RBL1: variants seen among roughly 807,000 people sequenced by gnomAD.
RBL1 encodes retinoblastoma-like protein 1.
Under a neutral mutation model 123.0 loss-of-function variants are expected in RBL1, and 82 were observed. The ratio of observed to expected loss-of-function variants is 0.67; its 90% CI spans 0.56 to 0.80. The LOEUF is 0.80. RBL1 is among the 30% of genes least tolerant of loss of function. The probability of loss-of-function intolerance (pLI) is 0.00; values close to 1 mark genes in which losing one functional copy is unlikely to be tolerated. For missense variants in RBL1, 1,171 were observed against 1,299.6 expected, an observed-to-expected ratio of 0.90 and a Z score of 1.52; for synonymous variants, 405 against 441.3, an observed-to-expected ratio of 0.92 and a Z score of 1.03.
At chr20:37,072,982 C>G (rs1403316286) in intron 2 of RBL1, among the ~76,000 whole-genome samples, 1 of 152,162 alleles carries the variant, frequency 6.6e-6, no homozygotes, top group East Asian at 1.9e-4. Context: ...GATAGGGTCC[C>G]GCTCTGTCAC....
intron 19 of RBL1, among the ~76,000 whole-genome samples, chr20:37,011,924 G>C (rs911192393): frequency 2.0e-5 from 3 of 152,050 alleles, no homozygotes; most frequent in African/African-American, 4.8e-5. Context: ...CTCTGATGCC[G>C]AGCCGAAGCT....
intron 11 of RBL1, among the ~76,000 whole-genome samples, chr20:37,048,885 C>T (rs2080086535): frequency 7.0e-6 from 1 of 143,590 alleles, no homozygotes. Context: ...AGCAACATAG[C>T]GAGACACCAT....
chr20:37,079,665 A>C (rs976475650), intron 2 of RBL1, among the ~76,000 whole-genome samples: 7 of 151,834 alleles, frequency 4.6e-5, no homozygotes, highest in African/African-American at 7.3e-5. Flanking sequence ...GTAGAGACTA[A>C]AAAGTAGTCT....
At chr20:37,064,901 C>T (rs551493412) in intron 7 of RBL1, among the ~76,000 whole-genome samples, 1 of 151,636 alleles carries the variant, frequency 6.6e-6, no homozygotes, top group South Asian at 2.1e-4. Context: ...GTTGGGATTA[C>T]AGGCGTGAGC....
chr20:37,051,039 G>T (rs2064902610), intron 11 of RBL1, among the ~76,000 whole-genome samples: 1 of 151,818 alleles, frequency 6.6e-6, no homozygotes, highest in African/African-American at 2.4e-5. Context: ...TAGGGATGGG[G>T]TCTTGCTATG....
At position 37,056,142 on chromosome 20, in the gene RBL1, T is replaced by C. The variant is rs1259609316; in HGVS notation, c.1363+4A>G. Reference sequence around the variant, plus strand: ...CTATGCCAACTGTAGTTTTCTTTTCTTACCTATGTGAGATCCTGGCTGTTC... The same window carrying C: ...CTATGCCAACTGTAGTTTTCTTTTCCTACCTATGTGAGATCCTGGCTGTTC... On this transcript the variant is annotated splice_donor_region_variant and intron_variant, in intron 10 of 21. Transcript: ENST00000373664. 6 of 1,603,632 alleles carry C rather than the reference T, an allele frequency of 3.7e-6. No individual in the cohort carries two copies. The highest frequency in any genetic ancestry group is 4.2e-6 in the Non-Finnish European group (5 of 1,178,092).
chr20:37,056,990 TTTCTATCTATCTATC>T lies in RBL1; in HGVS notation c.1251-747_1251-733del, dbSNP rs988398167. On this transcript the variant is annotated intron_variant, in intron 9 of 21. Coordinates refer to ENST00000373664, the MANE Select transcript of RBL1 (RefSeq NM_002895.5). ...ATATTCCATCTCATATCTCTATTTC[TTTCTATCTATCTATC>T]TACCTACCTACCTACCTACCTACCT... is the stretch of plus-strand genomic sequence containing the variant. 2.1e-3 allele frequency among the ~76,000 whole-genome samples: 76 copies of T among 36,878 alleles called. 1 individual carries two copies. The highest frequency in any genetic ancestry group is 4.8e-3 in the African/African-American group (68 of 14,198). 24.2% of individuals were successfully genotyped at this position (36,878 alleles called of 152,430 possible).
At chr20:37,041,185 C>T (rs1307626294) in intron 13 of RBL1, among the ~76,000 whole-genome samples, 2 of 151,862 alleles carry the variant, frequency 1.3e-5, no homozygotes, top group Non-Finnish European at 2.9e-5. Flanking sequence ...GGAGACAAAA[C>T]AAAGAATCAA....
At chr20:36,999,177 T>C (rs578081479) in intron 21 of RBL1, among the ~76,000 whole-genome samples, 1 of 152,254 alleles carries the variant, frequency 6.6e-6, no homozygotes, top group African/African-American at 2.4e-5. Flanking sequence ...GAGGCCAAGA[T>C]GGTTCAATCA....
chr20:37,023,091 C>T (rs2064368667), intron 16 of RBL1, among the ~76,000 whole-genome samples: 2 of 151,536 alleles, frequency 1.3e-5, no homozygotes, highest in South Asian at 2.1e-4. Flanking sequence ...TAGGATTTAC[C>T]TGCATCATGA....
At chr20:37,012,133 G>A (rs573417808) in intron 19 of RBL1, among the ~76,000 whole-genome samples, 66 of 152,362 alleles carry the variant, frequency 4.3e-4, no homozygotes, top group African/African-American at 1.6e-3. Context: ...CCGAGGTGCC[G>A]GGATTGCAGA....
Position 36,997,002 on chromosome 20 carries a change from T to TA in RBL1, c.*1756dup, listed in dbSNP as rs2063896180. The TA allele has an allele frequency of 6.6e-6, 1 of 152,194 alleles. No homozygotes were observed. Among genetic ancestry groups the TA allele is most frequent in the Non-Finnish European group, 1.5e-5 (1 of 68,020 alleles). The allele number at this position is 152,194 out of a possible 1,614,324, so 9.4% of individuals were successfully genotyped here. On this transcript the variant is annotated 3_prime_UTR_variant, in exon 22 of 22. Transcript: ENST00000373664. ...ATACTAATTAGTGACGGCCAAATCTTAGACTATTTTAAATTAGCCATGGTT... is the reference window on the plus strand; with the variant it reads ...ATACTAATTAGTGACGGCCAAATCTTAAGACTATTTTAAATTAGCCATGGTT...
intron 2 of RBL1, among the ~76,000 whole-genome samples, chr20:37,083,896 A>G (rs1156527479): frequency 1.3e-5 from 2 of 151,636 alleles, no homozygotes; most frequent in African/African-American, 4.8e-5. Flanking sequence ...ATAAGTTTGT[A>G]ATTATTTTTA....
intron 1 of RBL1, among the ~76,000 whole-genome samples, chr20:37,095,178 G>T (rs948574572): frequency 2.6e-5 from 4 of 152,236 alleles, no homozygotes; most frequent in Non-Finnish European, 5.9e-5. Flanking sequence ...GTAGGGCTGA[G>T]ATCAGCTTCG....
rs2063891733 is a variant in RBL1 at position 36,996,559 on chromosome 20, C to CA, written c.*2199dup. Reference sequence around the variant, plus strand: ...CCAGTCTCAAGTGATCCTCTCATGTCAGTCTCCTGAGTAGCTGGGACTACA... The same window carrying CA: ...CCAGTCTCAAGTGATCCTCTCATGTCAAGTCTCCTGAGTAGCTGGGACTACA... On this transcript the variant is annotated 3_prime_UTR_variant, in exon 22 of 22. Coordinates refer to ENST00000373664, the MANE Select transcript of RBL1 (RefSeq NM_002895.5). The CA allele has an allele frequency of 6.6e-6, 1 of 152,316 alleles. No individual in the cohort carries two copies. 9.4% of individuals were successfully genotyped at this position (152,316 alleles called of 1,614,324 possible).
In RBL1 at chr20:36,996,814, T is replaced by C. The variant is rs2063894062; in HGVS notation, c.*1945A>G. ...ATAATGAAGATAAAAATAACAATTA[T>C]AGCAACATACAAATATGTACAAAGA... is the stretch of plus-strand genomic sequence containing the variant. On this transcript the variant is annotated 3_prime_UTR_variant, in exon 22 of 22. Transcript: ENST00000373664. 6.6e-6 allele frequency: 1 copy of C among 152,180 alleles called. No individual in the cohort carries two copies. The highest frequency in any genetic ancestry group is 2.4e-5 in the African/African-American group (1 of 41,452). The allele number at this position is 152,180 out of a possible 1,614,324, so 9.4% of individuals were successfully genotyped here.
intron 19 of RBL1, among the ~76,000 whole-genome samples, chr20:37,017,620 T>G (rs1032581746): frequency 3.6e-5 from 5 of 139,808 alleles, no homozygotes; most frequent in Middle Eastern, 3.5e-3. Context: ...GGACATTTTC[T>G]TGTGTGTGTG....
chr20:37,011,869 TCCCTCTCCCCA>T (rs2064153834), intron 19 of RBL1, among the ~76,000 whole-genome samples: 1 of 152,124 alleles, frequency 6.6e-6, no homozygotes, highest in Non-Finnish European at 1.5e-5. Flanking sequence ...CCTCTCCCAC[TCCCTCTCCCCA>T]CGGTCTCCCT....
intron 18 of RBL1, among the ~76,000 whole-genome samples, chr20:37,019,022 A>G (rs1294835163): frequency 6.6e-6 from 1 of 152,078 alleles, no homozygotes; most frequent in Non-Finnish European, 1.5e-5. Context: ...TTAATTCCTT[A>G]CACAACAATC....
Sources: allele counts gnomAD v4.1 joint callset (sites outside exome capture counted in the v4.1 genomes callset), GRCh38; gene constraint gnomAD v4.1.1; transcripts MANE v1.5; gene names NCBI Gene and HGNC (gene_info 2026-07-23, HGNC 2026-07-21).